Variants in VSNL1 observed in about 807,000 individuals in gnomAD.
The protein encoded by VSNL1 is visinin-like protein 1.
VSNL1 carries 6 observed loss-of-function variants against 20.4 expected under a neutral mutation model. The ratio of observed to expected loss-of-function variants is 0.29; its 90% CI spans 0.16 to 0.58. The LOEUF (loss-of-function observed/expected upper bound fraction) is 0.58. Among genes scored for constraint, VSNL1 ranks in the 20% least tolerant of loss-of-function variants. VSNL1 has a pLI of 0.90. For synonymous variants in VSNL1, 93 were observed against 86.4 expected, an observed-to-expected ratio of 1.08 and a Z score of -0.42; for missense variants, 100 against 234.5, an observed-to-expected ratio of 0.43 and a Z score of 3.75.
At chr2:17,575,729 G>A (rs1487655031) in intron 1 of VSNL1, among the ~76,000 whole-genome samples, 1 of 151,934 alleles carries the variant, frequency 6.6e-6, no homozygotes, top group Admixed American at 6.5e-5. Context: ...TAGAGACGGG[G>A]TTTCACCATG....
In VSNL1 at chr2:17,634,210, C is replaced by T. The variant is rs573928807; in HGVS notation, c.163-15200C>T. Among the ~76,000 whole-genome samples, 5 of 152,116 alleles carry T rather than the reference C, an allele frequency of 3.3e-5. No homozygotes were observed. In the South Asian group the frequency reaches 6.2e-4, roughly 19 times the overall value. Reference sequence around the variant, plus strand: ...ACTCATTGTAACAGCAGTGTGCAGGCGAGAATCAGGGCTGGCAGGTGCCCA... The same window carrying T: ...ACTCATTGTAACAGCAGTGTGCAGGTGAGAATCAGGGCTGGCAGGTGCCCA... On this transcript the variant is annotated intron_variant, in intron 2 of 3. Transcript: ENST00000295156. The surrounding 1 kb of genome is among the most constrained non-coding windows in gnomAD (Gnocchi z 4.3).
intron 1 of VSNL1, among the ~76,000 whole-genome samples, chr2:17,555,461 C>T (rs1396094638): frequency 6.6e-6 from 1 of 152,134 alleles, no homozygotes; most frequent in East Asian, 1.9e-4. Context: ...GCTACTACTG[C>T]TACCACCATC....
intron 1 of VSNL1, among the ~76,000 whole-genome samples, chr2:17,557,221 T>C (rs1400651330): frequency 6.6e-6 from 1 of 152,198 alleles, no homozygotes; most frequent in Non-Finnish European, 1.5e-5. Flanking sequence ...AAATTTGTGG[T>C]CTCTAAAATC....
At chr2:17,570,508 C>T (rs967833659) in intron 1 of VSNL1, among the ~76,000 whole-genome samples, 2 of 152,154 alleles carry the variant, frequency 1.3e-5, no homozygotes, top group Non-Finnish European at 2.9e-5. Context: ...GTGTGAGTAT[C>T]TATGGATTGG....
rs1666065780 is a variant in VSNL1 at position 17,649,110 on chromosome 2, G to C, written c.163-300G>C. 1.3e-5 allele frequency among the ~76,000 whole-genome samples: 2 copies of C among 152,160 alleles called. No homozygotes were observed. The highest frequency in any genetic ancestry group is 4.1e-4 in the South Asian group (2 of 4,826). The stretch of plus-strand genomic sequence containing the variant: ...CCTGTTCCTGGGGGGAGTGAGCTGA[G>C]ATGCTGCAACACTAGCATCAGGTGG... On this transcript the variant is annotated intron_variant, in intron 2 of 3. Coordinates refer to ENST00000295156, the MANE Select transcript of VSNL1 (RefSeq NM_003385.5). This position sits in a 1 kb window ranked among gnomAD's most constrained non-coding sequence, Gnocchi z 6.4.
chr2:17,632,566 T>C (rs2103413519), intron 2 of VSNL1, among the ~76,000 whole-genome samples: 1 of 152,232 alleles, frequency 6.6e-6, no homozygotes. Context: ...CCAAAAGTGC[T>C]GGGATTACAG....
rs1401451190 is a variant in VSNL1, at chr2:17,592,655, T to C, written c.162+419T>C. Among the ~76,000 whole-genome samples the C allele has an allele frequency of 1.0e-2, 1,095 of 109,700 alleles. 64 individuals are homozygous for C. Among genetic ancestry groups the C allele is most frequent in the African/African-American group, 0.045 (1,032 of 23,126 alleles). The allele number at this position is 109,700 out of a possible 152,430, so 72.0% of individuals were successfully genotyped here. A position where few individuals can be genotyped will look rare whatever the true frequency, so the allele number is the denominator to read the frequency against. Reference sequence around the variant, plus strand: ...CTCTCTCTCTCTTTTTTTTTTTTTTTTTTTTTTTTTTTTTTTTTTTTTTTA... The same window carrying C: ...CTCTCTCTCTCTTTTTTTTTTTTTTCTTTTTTTTTTTTTTTTTTTTTTTTA... On this transcript the variant is annotated intron_variant, in intron 2 of 3. Transcript: ENST00000295156.
chr2:17,558,140 A>G (rs1663732417), intron 1 of VSNL1, among the ~76,000 whole-genome samples: 1 of 152,220 alleles, frequency 6.6e-6, no homozygotes, highest in Non-Finnish European at 1.5e-5. Flanking sequence ...ACCAAAGTAT[A>G]TAATGAGAGC....
chr2:17,625,434 T>C (rs1346836230), intron 2 of VSNL1, among the ~76,000 whole-genome samples: 1 of 152,240 alleles, frequency 6.6e-6, no homozygotes, highest in Non-Finnish European at 1.5e-5. Context: ...TAATTCCATA[T>C]AGCAATTGTG....
chr2:17,540,323 T>A (rs746107040), upstream of VSNL1: 9 of 152,490 alleles, frequency 5.9e-5, no homozygotes, highest in Non-Finnish European at 1.2e-4. Context: ...ACGTGTTCCA[T>A]CTCTGGCCTC....
At chr2:17,653,014 T>C (rs1341454803) in intron 3 of VSNL1, among the ~76,000 whole-genome samples, 5 of 152,256 alleles carry the variant, frequency 3.3e-5, no homozygotes, top group African/African-American at 4.8e-5. Context: ...CACTGTCAGT[T>C]GTAAAGTCTG....
chr2:17,559,544 T>C (rs1182936807), intron 1 of VSNL1, among the ~76,000 whole-genome samples: 1 of 152,198 alleles, frequency 6.6e-6, no homozygotes, highest in Non-Finnish European at 1.5e-5. Flanking sequence ...CTTTTCATCT[T>C]ATTCAAATCA....
At chr2:17,566,106 G>C (rs570423731) in intron 1 of VSNL1, among the ~76,000 whole-genome samples, 3 of 152,268 alleles carry the variant, frequency 2.0e-5, no homozygotes, top group African/African-American at 7.2e-5. Flanking sequence ...AGCAGCGTGA[G>C]AACAGACTTA....
At chr2:17,620,202 T>C (rs552429900) in intron 2 of VSNL1, among the ~76,000 whole-genome samples, 2 of 152,270 alleles carry the variant, frequency 1.3e-5, no homozygotes, top group East Asian at 3.9e-4. Flanking sequence ...GCAGAGAGGG[T>C]ACCACTGTAT....
intron 2 of VSNL1, among the ~76,000 whole-genome samples, chr2:17,607,775 G>A (rs931768123): frequency 4.6e-5 from 7 of 152,192 alleles, no homozygotes; most frequent in African/African-American, 1.4e-4. Context: ...AAAGGACTCT[G>A]TTTCATAGCT....
intron 2 of VSNL1, among the ~76,000 whole-genome samples, chr2:17,637,541 C>T (rs1665783338): frequency 6.6e-6 from 1 of 152,120 alleles, no homozygotes; most frequent in Non-Finnish European, 1.5e-5. Context: ...CCATCCAGCC[C>T]CCAACCCCAC....
At chr2:17,637,346 GCTCCAGGGCTGCAGCCGGCAGAGTCTC>G (rs1212483536) in intron 2 of VSNL1, among the ~76,000 whole-genome samples, 4 of 152,174 alleles carry the variant, frequency 2.6e-5, no homozygotes, top group Non-Finnish European at 5.9e-5. Context: ...GGAGGAGGCA[GCTCCAGGGCTGCAGCCGGCAGAGTCTC>G]CTCAGCCCCA....
At chr2:17,641,041 G>A (rs1245315679) in intron 2 of VSNL1, among the ~76,000 whole-genome samples, 4 of 152,306 alleles carry the variant, frequency 2.6e-5, no homozygotes, top group East Asian at 1.9e-4. Flanking sequence ...CTCTCCCCAC[G>A]ATTCCAGACC....
intron 1 of VSNL1, among the ~76,000 whole-genome samples, chr2:17,557,921 A>C (rs953396914): frequency 2.6e-5 from 4 of 151,802 alleles, no homozygotes; most frequent in African/African-American, 9.7e-5. Context: ...AGGTCATTAG[A>C]TACGCCCAAG....
Sources: gnomAD v4.1 joint callset for allele counts (sites outside exome capture counted in the v4.1 genomes callset) on GRCh38, gnomAD v4.1.1 for gene constraint, Gnocchi (gnomAD v3.1) non-coding constraint, MANE v1.5 for transcripts, NCBI Gene and HGNC (gene_info 2026-07-23, HGNC 2026-07-21) for gene names.